Variants in ARHGAP26 observed in about 807,000 individuals in gnomAD.
ARHGAP26 encodes the protein Rho GTPase activating protein 26, also known as rho GTPase-activating protein 26.
ARHGAP26 carries 38 observed loss-of-function variants against 104.8 expected under a neutral mutation model. The ratio of observed to expected loss-of-function variants is 0.36; its 90% confidence interval spans 0.28 to 0.48. ARHGAP26 has a LOEUF of 0.48. Ranked by LOEUF, ARHGAP26 falls within the 20% of genes least tolerant of loss-of-function variation. ARHGAP26 has a pLI of 0.99. For synonymous variants in ARHGAP26, 341 were observed against 340.0 expected (o/e 1.00, Z -0.03); for missense variants, 704 against 947.9 (o/e 0.74, Z 3.38).
chr5:142,943,977 A>G (rs1419417137), intron 11 of ARHGAP26, among the ~76,000 whole-genome samples: 1 of 152,190 alleles, frequency 6.6e-6, no homozygotes, highest in Non-Finnish European at 1.5e-5. Flanking sequence ...TTGTTATTAA[A>G]CAAAAATCCT....
At position 143,041,893 on chromosome 5, in the gene ARHGAP26, G is replaced by T; in HGVS notation, c.1285+3G>T. 6.3e-7 allele frequency: 1 copy of T among 1,582,148 alleles called. No individual in the cohort carries two copies. Among genetic ancestry groups the T allele is most frequent in the Non-Finnish European group, 8.6e-7 (1 of 1,163,372 alleles). On this transcript the variant is annotated splice_donor_region_variant and intron_variant, in intron 14 of 22. Coordinates refer to ENST00000645722, the MANE Select transcript of ARHGAP26 (RefSeq NM_001135608.3). Reference sequence around the variant, plus strand: ...GAAGTTGCTGAGTGTCCTGATGGGTGAGTGCCGCAGTGGCTCTGCTAGGCA... The same window carrying T: ...GAAGTTGCTGAGTGTCCTGATGGGTTAGTGCCGCAGTGGCTCTGCTAGGCA...
chr5:143,118,304 G>A lies in ARHGAP26; in HGVS notation c.1539-2684G>A, dbSNP rs548767645. Among the ~76,000 whole-genome samples the A allele has an allele frequency of 2.6e-5, 4 of 152,308 alleles. No homozygotes were observed. The South Asian group carries it at 8.3e-4, about 32-fold the overall frequency. On this transcript the variant is annotated intron_variant, in intron 17 of 22. Coordinates refer to ENST00000645722, the MANE Select transcript of ARHGAP26 (RefSeq NM_001135608.3). ...TTAATCTGTACAACATTCACATGAA[G>A]TAGGTATGTTATTCACCCAACTTCT...
chr5:142,916,498 G>A (rs1193811500), intron 10 of ARHGAP26, among the ~76,000 whole-genome samples: 1 of 152,140 alleles, frequency 6.6e-6, no homozygotes, highest in Non-Finnish European at 1.5e-5. Flanking sequence ...AAGCTTTTTA[G>A]TTGTCCTTTA....
chr5:143,006,706 G>A (rs962952776), intron 11 of ARHGAP26, among the ~76,000 whole-genome samples: 2 of 152,192 alleles, frequency 1.3e-5, no homozygotes, highest in African/African-American at 4.8e-5. Context: ...GGAGGAGGAA[G>A]AACCAATAGC....
At chr5:142,797,704 G>T (rs1046145121) in intron 1 of ARHGAP26, among the ~76,000 whole-genome samples, 4 of 152,210 alleles carry the variant, frequency 2.6e-5, no homozygotes, top group Non-Finnish European at 5.9e-5. Context: ...CTTAAGGCAG[G>T]TATTTCGGTT....
chr5:142,846,346 G>A lies in ARHGAP26; in HGVS notation c.155-27054G>A, dbSNP rs969545581. Among the ~76,000 whole-genome samples the A allele has an allele frequency of 1.5e-3, 235 of 152,326 alleles. 5 individuals carry two copies. The highest frequency in any genetic ancestry group is 0.015 in the Admixed American group (230 of 15,304). ...TGTGTCGGGTGAGGAGGAGTCACCA[G>A]TGCATAGGTGGGAGGGTGGGGCATG... On this transcript the variant is annotated intron_variant, in intron 1 of 22. Transcript: ENST00000645722.
At chr5:143,157,936 A>C (rs559918460) in intron 20 of ARHGAP26, among the ~76,000 whole-genome samples, 90 of 152,190 alleles carry the variant, frequency 5.9e-4, no homozygotes, top group Non-Finnish European at 1.1e-3. Context: ...GTTATTTGCT[A>C]TCTCTAAGCT....
At chr5:142,839,431 CA>C (rs751297624) in intron 1 of ARHGAP26, among the ~76,000 whole-genome samples, 6 of 152,028 alleles carry the variant, frequency 3.9e-5, no homozygotes, top group Non-Finnish European at 7.4e-5. Context: ...ATAACTTGCC[CA>C]AGGTCATCCA....
chr5:142,781,865 C>T (rs1757568684), intron 1 of ARHGAP26, among the ~76,000 whole-genome samples: 2 of 152,124 alleles, frequency 1.3e-5, no homozygotes, highest in African/African-American at 4.8e-5. Flanking sequence ...GTGCGTGCCA[C>T]CATGCCCGGC....
At chr5:142,794,060 G>A (rs1255342953) in intron 1 of ARHGAP26, among the ~76,000 whole-genome samples, 2 of 152,220 alleles carry the variant, frequency 1.3e-5, no homozygotes, top group African/African-American at 4.8e-5. Context: ...AGACCTGCCA[G>A]ACTCTCGTGA....
chr5:143,107,905 TG>T (rs1403633786), intron 17 of ARHGAP26, among the ~76,000 whole-genome samples: 6 of 152,242 alleles, frequency 3.9e-5, no homozygotes, highest in African/African-American at 1.4e-4. Flanking sequence ...GGTTTTGCTT[TG>T]CATGTGTTGA....
chr5:143,097,360 G>GAAAAAA (rs56116431), intron 17 of ARHGAP26, among the ~76,000 whole-genome samples: 20 of 63,260 alleles, frequency 3.2e-4, no homozygotes, highest in Admixed American at 5.9e-4. Flanking sequence ...TCAAAAAAAA[G>GAAAAAA]AAAAAAAAAA....
intron 18 of ARHGAP26, among the ~76,000 whole-genome samples, chr5:143,130,335 C>T (rs1797184247): frequency 1.3e-5 from 2 of 152,184 alleles, no homozygotes; most frequent in African/African-American, 4.8e-5. Context: ...TTACAGTCTT[C>T]CTTACTTTTA....
At chr5:143,214,314 A>G (rs192551577) in intron 22 of ARHGAP26, among the ~76,000 whole-genome samples, 3 of 152,198 alleles carry the variant, frequency 2.0e-5, no homozygotes, top group Non-Finnish European at 4.4e-5. Context: ...TAGTGTAATC[A>G]GCTCCATGTT....
intron 11 of ARHGAP26, among the ~76,000 whole-genome samples, chr5:142,959,889 C>T (rs540908895): frequency 3.3e-5 from 5 of 152,310 alleles, no homozygotes; most frequent in African/African-American, 1.2e-4. Context: ...GGTGGCCAAA[C>T]TTTGGACAAA....
At chr5:143,045,080 C>CA (rs917526885) in intron 14 of ARHGAP26, among the ~76,000 whole-genome samples, 1 of 152,176 alleles carries the variant, frequency 6.6e-6, no homozygotes, top group African/African-American at 2.4e-5. Flanking sequence ...TTGTGTTAAG[C>CA]AAAAGAGTGG....
chr5:142,954,995 TG>T (rs1467138739), intron 11 of ARHGAP26, among the ~76,000 whole-genome samples: 1 of 152,170 alleles, frequency 6.6e-6, no homozygotes, highest in Non-Finnish European at 1.5e-5. Context: ...AAATGCATTC[TG>T]GGCTGGGTTC....
intron 11 of ARHGAP26, among the ~76,000 whole-genome samples, chr5:142,949,198 A>AGAG (rs1562136133): frequency 9.5e-5 from 3 of 31,532 alleles, no homozygotes; most frequent in Non-Finnish European, 1.5e-4. Context: ...AGAGAGAGAG[A>AGAG]GAGAGAGAGA....
intron 17 of ARHGAP26, among the ~76,000 whole-genome samples, chr5:143,089,807 T>C (rs532387770): frequency 1.4e-4 from 21 of 152,376 alleles, no homozygotes; most frequent in Admixed American, 3.9e-4. Context: ...GGGACTCTAA[T>C]TGTGTCTAAA....
Sources: allele counts gnomAD v4.1 joint callset (sites outside exome capture counted in the v4.1 genomes callset), GRCh38; gene constraint gnomAD v4.1.1; transcripts MANE v1.5; gene names NCBI Gene and HGNC (gene_info 2026-07-23, HGNC 2026-07-21).